Variants in DRC2 observed in about 807,000 individuals in gnomAD.
DRC2 encodes the protein coiled-coil domain containing 65.
At chr12:48,920,971 T>C in the DRC2 span, 3 of 1,613,718 alleles carry the variant, frequency 1.9e-6, no homozygotes, top group Non-Finnish European at 2.5e-6. Context: ...GTAGGAAATT[T>C]GAAACCGAAG....
the DRC2 span, among the ~76,000 whole-genome samples, chr12:48,906,592 G>T: frequency 6.7e-6 from 1 of 149,198 alleles, no homozygotes; most frequent in East Asian, 2.0e-4. Flanking sequence ...CCACTGAGGA[G>T]TTTCACTCTT....
chr12:48,919,039 C>A, the DRC2 span: 2 of 612,376 alleles, frequency 3.3e-6, no homozygotes, highest in Admixed American at 5.9e-5. Context: ...CTTTTTTATT[C>A]CATGTTTCCT....
At chr12:48,920,381 C>T in the DRC2 span, among the ~76,000 whole-genome samples, 1 of 120,560 alleles carries the variant, frequency 8.3e-6, no homozygotes, top group South Asian at 2.9e-4. Flanking sequence ...GCAGAGGTTG[C>T]GGTGAGTCGA....
the DRC2 span, chr12:48,916,924 A>ATATCCTG: frequency 6.3e-7 from 1 of 1,590,202 alleles, no homozygotes; most frequent in East Asian, 2.2e-5. Flanking sequence ...TTATTGGTCA[A>ATATCCTG]TATCCTGTAT....
the DRC2 span, among the ~76,000 whole-genome samples, chr12:48,919,796 G>A: frequency 9.2e-5 from 14 of 151,990 alleles, no homozygotes; most frequent in Non-Finnish European, 1.6e-4. Context: ...GATTACAGGC[G>A]TGAGCCACCG....
the DRC2 span, among the ~76,000 whole-genome samples, chr12:48,919,398 C>T: frequency 6.6e-6 from 1 of 151,352 alleles, no homozygotes; most frequent in Non-Finnish European, 1.5e-5. Context: ...GGGGTTTCGC[C>T]ATGTTGCCCA....
At chr12:48,921,244 A>C in the DRC2 span, 2 of 1,614,220 alleles carry the variant, frequency 1.2e-6, no homozygotes, top group Non-Finnish European at 1.7e-6. Flanking sequence ...CTGAGCCTCC[A>C]ACATAGACGA....
At chr12:48,918,814 C>T in the DRC2 span, 1 of 1,614,148 alleles carries the variant, frequency 6.2e-7, no homozygotes, top group Middle Eastern at 1.6e-4. Flanking sequence ...CCAAAGAACT[C>T]AGGCCCGGGC....
the DRC2 span, chr12:48,921,034 G>A: frequency 1.9e-6 from 3 of 1,613,326 alleles, no homozygotes; most frequent in African/African-American, 1.3e-5. Flanking sequence ...AGGAGCAGGA[G>A]GGGATTCAGA....
the DRC2 span, chr12:48,905,063 C>T: frequency 6.2e-7 from 1 of 1,613,788 alleles, no homozygotes; most frequent in African/African-American, 1.3e-5. Context: ...CATTGAGATC[C>T]TCAGCCAAAC....
At chr12:48,909,037 CTTTTTTTT>C in the DRC2 span, among the ~76,000 whole-genome samples, 3 of 82,370 alleles carry the variant, frequency 3.6e-5, no homozygotes, top group African/African-American at 4.8e-5. Context: ...TTTTCTTTCT[CTTTTTTTT>C]TTTTTTTTTT....
the DRC2 span, chr12:48,918,809 G>T: frequency 6.2e-7 from 1 of 1,614,108 alleles, no homozygotes; most frequent in Non-Finnish European, 8.5e-7. Flanking sequence ...AAGGCCCAAA[G>T]AACTCAGGCC....
At chr12:48,917,937 G>A in the DRC2 span, among the ~76,000 whole-genome samples, 153 of 152,238 alleles carry the variant, frequency 1.0e-3, 1 homozygote, top group African/African-American at 3.6e-3. Context: ...CTTAAAAATT[G>A]GAGATTTCAC....
the DRC2 span, chr12:48,917,078 C>T: frequency 1.9e-6 from 3 of 1,613,892 alleles, no homozygotes; most frequent in Admixed American, 1.7e-5. Flanking sequence ...AGCTGGAGTT[C>T]CAGAGCATGT....
the DRC2 span, among the ~76,000 whole-genome samples, chr12:48,915,906 C>G: frequency 1.4e-5 from 2 of 138,964 alleles, no homozygotes. Context: ...CAGAGACGCT[C>G]CTCACCTCCC....
chr12:48,908,021 C>T, the DRC2 span, among the ~76,000 whole-genome samples: 14 of 152,292 alleles, frequency 9.2e-5, no homozygotes, highest in East Asian at 5.8e-4. Context: ...TCATAGCTCA[C>T]TACACTCAAG....
At chr12:48,904,605 C>A in the DRC2 span, 2 of 1,286,624 alleles carry the variant, frequency 1.6e-6, no homozygotes, top group Non-Finnish European at 2.1e-6. Context: ...AGATTTCAGG[C>A]AACATTGTTT....
chr12:48,914,613 G>C, the DRC2 span: 1 of 1,597,960 alleles, frequency 6.3e-7, no homozygotes, highest in Admixed American at 1.7e-5. Flanking sequence ...TGAATCCAGG[G>C]GAGTGCCCAG....
At chr12:48,918,535 C>G in the DRC2 span, 3 of 1,537,022 alleles carry the variant, frequency 2.0e-6, no homozygotes, top group East Asian at 4.6e-5. Context: ...TCTTTTGCTT[C>G]CCCTTGTTTC....
Sources: allele counts gnomAD v4.1 joint callset (sites outside exome capture counted in the v4.1 genomes callset), GRCh38; gene constraint gnomAD v4.1.1; transcripts MANE v1.5; gene names NCBI Gene and HGNC (gene_info 2026-07-23, HGNC 2026-07-21).